TTC21B: variants seen among roughly 807,000 people sequenced by gnomAD.
TTC21B encodes tetratricopeptide repeat protein 21B.
In TTC21B, 127 loss-of-function variants were observed where a neutral mutation model predicts 175.1. That is an observed-to-expected ratio of 0.73 (90% confidence interval 0.63 to 0.84). The LOEUF (loss-of-function observed/expected upper bound fraction) is 0.84, where lower values mean the gene tolerates loss of function less well. Ranked by LOEUF, TTC21B falls within the 40% of genes least tolerant of loss-of-function variation. The pLI, the probability that TTC21B is intolerant of heterozygous loss-of-function variation, is 0.00. For missense variants in TTC21B, 1,561 were observed against 1,558.3 expected (o/e 1.00, Z -0.03); for synonymous variants, 524 against 524.5 (o/e 1.00, Z 0.01).
intron 11 of TTC21B, among the ~76,000 whole-genome samples, chr2:165,927,961 T>A (rs1014385910): frequency 6.6e-6 from 1 of 152,192 alleles, no homozygotes; most frequent in African/African-American, 2.4e-5. Flanking sequence ...ATCCCTGTGC[T>A]GAATGTGAGC....
intron 17 of TTC21B, among the ~76,000 whole-genome samples, 165 bp downstream of exon 17, chr2:165,912,349 G>T (rs192197664): frequency 2.0e-5 from 3 of 152,158 alleles, no homozygotes; most frequent in African/African-American, 7.2e-5. Context: ...AAGCAATGAA[G>T]AATCTGATAA....
chr2:165,896,098 T>C (rs1463681790), intron 22 of TTC21B, among the ~76,000 whole-genome samples: 4 of 139,004 alleles, frequency 2.9e-5, no homozygotes, highest in Non-Finnish European at 4.7e-5. Context: ...GCTTGAAGGA[T>C]TGCCACCTCT....
At chr2:165,927,365 A>G (rs1490181221) in intron 11 of TTC21B, among the ~76,000 whole-genome samples, 1 of 63,868 alleles carries the variant, frequency 1.6e-5, no homozygotes, top group African/African-American at 4.0e-5. Flanking sequence ...TTTTATATAT[A>G]TATATATATA....
chr2:165,907,309 G>C (rs909086578), intron 19 of TTC21B, among the ~76,000 whole-genome samples: 1 of 151,354 alleles, frequency 6.6e-6, no homozygotes, highest in Non-Finnish European at 1.5e-5. Flanking sequence ...CATACCTAAG[G>C]AAATCTGTGT....
intron 3 of TTC21B, among the ~76,000 whole-genome samples, chr2:165,946,145 G>A (rs1687551364): frequency 7.1e-6 from 1 of 140,762 alleles, no homozygotes. Flanking sequence ...CTAGCACGGT[G>A]AAACCCTGTC....
At chr2:165,953,621 CA>C (rs1447102162) in intron 1 of TTC21B, 63 bp downstream of exon 1, 6 of 1,535,482 alleles carry the variant, frequency 3.9e-6, no homozygotes, top group Non-Finnish European at 3.5e-6. Context: ...GCCCCCGGGC[CA>C]AAAGGCCGCA....
chr2:165,926,024 T>C (rs554827537), intron 11 of TTC21B, among the ~76,000 whole-genome samples: 1 of 152,298 alleles, frequency 6.6e-6, no homozygotes, highest in South Asian at 2.1e-4. Flanking sequence ...CTTTAAGATA[T>C]CGTTTGTTCA....
rs369485092 is a variant in TTC21B, at chr2:165,880,819, A to T, written c.3685-20T>A. 6 of 1,609,728 alleles carry T rather than the reference A, an allele frequency of 3.7e-6. No homozygotes were observed. Among genetic ancestry groups the T allele is most frequent in the Non-Finnish European group, 5.1e-6 (6 of 1,178,316 alleles). ...GCAAGACTGAAGAAAAATGGGAGAC[A>T]TCAATAGATTAAACTTGATATCACT... On this transcript the variant is annotated intron_variant, in intron 26 of 28. Transcript: ENST00000243344.
chr2:165,890,745 G>C (rs955834687), intron 23 of TTC21B, 93 bp downstream of exon 23: 24 of 1,537,692 alleles, frequency 1.6e-5, no homozygotes, highest in Non-Finnish European at 2.0e-5. Flanking sequence ...ATTTTGAAAT[G>C]TACATTTTTT....
chr2:165,889,395 T>C (rs1282458052), intron 24 of TTC21B, among the ~76,000 whole-genome samples: 1 of 152,186 alleles, frequency 6.6e-6, no homozygotes, highest in Non-Finnish European at 1.5e-5. Context: ...AGTTCTCAGA[T>C]TTTTGTTACT....
intron 25 of TTC21B, among the ~76,000 whole-genome samples, chr2:165,884,438 C>T (rs1197884609): frequency 3.3e-5 from 5 of 152,138 alleles, no homozygotes; most frequent in Admixed American, 6.5e-5. Flanking sequence ...CTGTCAAAGA[C>T]GAGTAACAAT....
chr2:165,931,636 C>A (rs1031863906), intron 8 of TTC21B, 122 bp downstream of exon 8: 3 of 818,610 alleles, frequency 3.7e-6, no homozygotes, highest in African/African-American at 3.4e-5. Flanking sequence ...AGGAGTATAT[C>A]ATATATTTAA....
intron 25 of TTC21B, among the ~76,000 whole-genome samples, chr2:165,886,830 G>A (rs891819): frequency 0.2 from 30,093 of 152,076 alleles, 3,203 homozygotes; most frequent in East Asian, 0.34. Flanking sequence ...GACATGAGAA[G>A]CGCTTCCTCA....
At chr2:165,887,778 T>C (rs1559040275) in intron 25 of TTC21B, among the ~76,000 whole-genome samples, 1 of 152,084 alleles carries the variant, frequency 6.6e-6, no homozygotes, top group South Asian at 2.1e-4. Context: ...ATAACAAATA[T>C]GAAAAGATTG....
At chr2:165,889,645 C>T (rs555985155) in intron 24 of TTC21B, among the ~76,000 whole-genome samples, 5 of 152,214 alleles carry the variant, frequency 3.3e-5, no homozygotes, top group Admixed American at 1.3e-4. Context: ...CTCGGTAATC[C>T]AAGCGTTAAA....
At chr2:165,895,415 T>G (rs1346871946) in intron 22 of TTC21B, among the ~76,000 whole-genome samples, 2 of 152,102 alleles carry the variant, frequency 1.3e-5, no homozygotes, top group Non-Finnish European at 2.9e-5. Flanking sequence ...TAGAAAACTA[T>G]AATGTGTGAG....
chr2:165,938,955 A>C (rs1239997035), intron 6 of TTC21B, among the ~76,000 whole-genome samples: 1 of 152,204 alleles, frequency 6.6e-6, no homozygotes, highest in Admixed American at 6.5e-5. Flanking sequence ...AGCTATTTTT[A>C]ATTTTTTATA....
At position 165,890,536 on chromosome 2, in the gene TTC21B, T is replaced by C; in HGVS notation, c.3206A>G (p.Asn1069Ser). Reference protein sequence around the residue: ...ALYNMIEICLNPDNETVGGEV... With the variant: ...ALYNMIEICLSPDNETVGGEV... ...ACCTCCAACAGTTTCATTATCTGGA[T>C]TCAAACAGATCTCTATCATATTATA... Residue 1069 changes from asparagine to serine, a missense_variant, in exon 24 of 29, where the codon AAT becomes AGT. By Grantham distance (46) the Asn-to-Ser change is conservative. Coordinates refer to ENST00000243344, the MANE Select transcript of TTC21B (RefSeq NM_024753.5). The C allele has an allele frequency of 6.2e-7, 1 of 1,613,714 alleles. No homozygotes were observed. Among genetic ancestry groups the C allele is most frequent in the Non-Finnish European group, 8.5e-7 (1 of 1,179,744 alleles).
At chr2:165,911,758 G>A (rs1288947366) in intron 17 of TTC21B, among the ~76,000 whole-genome samples, 1 of 151,780 alleles carries the variant, frequency 6.6e-6, no homozygotes, top group Non-Finnish European at 1.5e-5. Context: ...TGCCTTCCAA[G>A]TTCAAGCAAT....
Sources: gnomAD v4.1 joint callset for allele counts (sites outside exome capture counted in the v4.1 genomes callset) on GRCh38, gnomAD v4.1.1 for gene constraint, MANE v1.5 for transcripts, NCBI Gene and HGNC (gene_info 2026-07-23, HGNC 2026-07-21) for gene names.